DRC8: variants seen among roughly 807,000 people sequenced by gnomAD.
DRC8 encodes dynein regulatory complex subunit 8, also known as dynein regulatory complex protein 8.
At chr1:245,100,262 G>A in the DRC8 span, among the ~76,000 whole-genome samples, 5 of 152,202 alleles carry the variant, frequency 3.3e-5, no homozygotes, top group East Asian at 9.7e-4. Context: ...GCATGTGCCT[G>A]TGGTCCCAGC....
At chr1:245,053,038 G>A in the DRC8 span, among the ~76,000 whole-genome samples, 1 of 152,156 alleles carries the variant, frequency 6.6e-6, no homozygotes, top group South Asian at 2.1e-4. Flanking sequence ...ATTAAATCTT[G>A]TGCCCCTACT....
At chr1:245,117,551 G>A in the DRC8 span, among the ~76,000 whole-genome samples, 1 of 151,570 alleles carries the variant, frequency 6.6e-6, no homozygotes, top group African/African-American at 2.4e-5. Flanking sequence ...AGCCTCCCAA[G>A]GAGCTGGGAT....
At chr1:245,032,585 G>A in the DRC8 span, among the ~76,000 whole-genome samples, 1 of 152,088 alleles carries the variant, frequency 6.6e-6, no homozygotes, top group Non-Finnish European at 1.5e-5. Flanking sequence ...TTGTATTTCT[G>A]TCTCTGCTAA....
At chr1:245,084,083 C>A in the DRC8 span, among the ~76,000 whole-genome samples, 1 of 94,588 alleles carries the variant, frequency 1.1e-5, no homozygotes, top group African/African-American at 3.9e-5. Context: ...GGCGCCCCGG[C>A]TTTTTTTTTT....
At chr1:245,027,880 T>C in the DRC8 span, among the ~76,000 whole-genome samples, 1 of 151,992 alleles carries the variant, frequency 6.6e-6, no homozygotes, top group Admixed American at 6.6e-5. Flanking sequence ...GTTTTTTTTT[T>C]TTTTTCAGGA....
the DRC8 span, among the ~76,000 whole-genome samples, chr1:245,005,042 T>G: frequency 6.6e-6 from 1 of 152,182 alleles, no homozygotes; most frequent in Non-Finnish European, 1.5e-5. Flanking sequence ...ATGACATGGT[T>G]TTTTTGCTCC....
the DRC8 span, among the ~76,000 whole-genome samples, chr1:245,095,288 C>T: frequency 6.6e-6 from 1 of 152,166 alleles, no homozygotes; most frequent in Non-Finnish European, 1.5e-5. Context: ...CAGGAATCCT[C>T]CAACCACCAG....
chr1:245,039,653 A>G, the DRC8 span, among the ~76,000 whole-genome samples: 1 of 152,104 alleles, frequency 6.6e-6, no homozygotes, highest in African/African-American at 2.4e-5. Context: ...TCCGTGCAGA[A>G]CGCTGTCCTG....
At chr1:245,120,585 C>T in the DRC8 span, among the ~76,000 whole-genome samples, 1 of 152,252 alleles carries the variant, frequency 6.6e-6, no homozygotes, top group East Asian at 1.9e-4. Context: ...CAGCCTTTTC[C>T]TCATTTTCTT....
chr1:245,119,780 C>T, the DRC8 span, among the ~76,000 whole-genome samples: 4 of 151,278 alleles, frequency 2.6e-5, no homozygotes, highest in Non-Finnish European at 4.4e-5. Flanking sequence ...AAAAATAGAA[C>T]GAATTAGCCA....
chr1:245,026,127 G>A, the DRC8 span, among the ~76,000 whole-genome samples: 1 of 152,166 alleles, frequency 6.6e-6, no homozygotes. Context: ...GCAGCACCAA[G>A]TATCCACTTG....
At chr1:245,040,285 T>G in the DRC8 span, among the ~76,000 whole-genome samples, 20 of 152,284 alleles carry the variant, frequency 1.3e-4, no homozygotes, top group East Asian at 3.9e-3. Context: ...ATGGAACCCT[T>G]GTTATGACCA....
chr1:245,016,785 C>T, the DRC8 span, among the ~76,000 whole-genome samples: 1 of 151,964 alleles, frequency 6.6e-6, no homozygotes, highest in Admixed American at 6.6e-5. Flanking sequence ...GCCTTTCTTC[C>T]CCCAACTCCA....
At chr1:245,043,046 T>C in the DRC8 span, among the ~76,000 whole-genome samples, 1 of 152,290 alleles carries the variant, frequency 6.6e-6, no homozygotes, top group African/African-American at 2.4e-5. Flanking sequence ...ATAGCACAGG[T>C]ACAGAAAAAC....
At chr1:245,118,795 A>AAAAAGAAAAG in the DRC8 span, among the ~76,000 whole-genome samples, 19,860 of 138,330 alleles carry the variant, frequency 0.14, 1,605 homozygotes, top group South Asian at 0.16. Flanking sequence ...GCCATCTCAA[A>AAAAAGAAAAG]AAAAGAAAAG....
At chr1:245,057,652 T>TC in the DRC8 span, among the ~76,000 whole-genome samples, 1 of 151,788 alleles carries the variant, frequency 6.6e-6, no homozygotes, top group Non-Finnish European at 1.5e-5. Flanking sequence ...TTTTTTTTTT[T>TC]GGTAATTAAA....
At chr1:244,970,316 G>A in the DRC8 span, 2 of 1,232,116 alleles carry the variant, frequency 1.6e-6, no homozygotes, top group Non-Finnish European at 2.2e-6. Flanking sequence ...ATTCAGAGCG[G>A]CCCCTCCTCC....
chr1:245,064,816 A>G, the DRC8 span, among the ~76,000 whole-genome samples: 3 of 152,018 alleles, frequency 2.0e-5, no homozygotes, highest in African/African-American at 7.2e-5. Context: ...AATCCTTTGT[A>G]TATAAACATT....
chr1:245,029,180 A>G, the DRC8 span, among the ~76,000 whole-genome samples: 1 of 152,262 alleles, frequency 6.6e-6, no homozygotes, highest in Non-Finnish European at 1.5e-5. Context: ...TTGTGACAAG[A>G]AAAATAACAT....
Sources: allele counts gnomAD v4.1 joint callset (sites outside exome capture counted in the v4.1 genomes callset), GRCh38; gene constraint gnomAD v4.1.1; transcripts MANE v1.5; gene names NCBI Gene and HGNC (gene_info 2026-07-23, HGNC 2026-07-21).